TAS2R1: variants seen among roughly 807,000 people sequenced by gnomAD.
TAS2R1 encodes taste 2 receptor member 1.
For synonymous variants in TAS2R1, 141 were observed against 134.2 expected (o/e 1.05, Z -0.35); for missense variants, 370 against 353.4 (o/e 1.05, Z -0.38).
the TAS2R1 span, among the ~76,000 whole-genome samples, chr5:9,806,715 G>A: frequency 1.3e-5 from 2 of 152,090 alleles, no homozygotes; most frequent in South Asian, 2.1e-4. Flanking sequence ...AATGAAACTG[G>A]ATTCTCATTT....
At chr5:9,800,782 A>G in the TAS2R1 span, among the ~76,000 whole-genome samples, 2 of 152,178 alleles carry the variant, frequency 1.3e-5, no homozygotes, top group African/African-American at 2.4e-5. Context: ...CCTAAAATTC[A>G]TATTTTGAAG....
the TAS2R1 span, among the ~76,000 whole-genome samples, chr5:9,800,424 G>T: frequency 6.6e-6 from 1 of 152,166 alleles, no homozygotes. Flanking sequence ...AGCCTTTGTG[G>T]TGGGAGGGAG....
the TAS2R1 span, among the ~76,000 whole-genome samples, chr5:9,785,259 T>C: frequency 6.6e-6 from 1 of 152,172 alleles, no homozygotes; most frequent in Non-Finnish European, 1.5e-5. Context: ...AGATACTCAT[T>C]GTGTAAATAT....
the TAS2R1 span, among the ~76,000 whole-genome samples, chr5:9,873,659 G>A: frequency 1.3e-5 from 2 of 151,950 alleles, no homozygotes; most frequent in Admixed American, 1.3e-4. Context: ...CTGAGCTTAG[G>A]AATTCAAGAC....
intron 1 of TAS2R1, among the ~76,000 whole-genome samples, chr5:9,701,998 T>C (rs1367831128): frequency 6.6e-6 from 1 of 152,178 alleles, no homozygotes; most frequent in Non-Finnish European, 1.5e-5. Flanking sequence ...AAACAGAAGT[T>C]AGATTTCCCA....
the TAS2R1 span, among the ~76,000 whole-genome samples, chr5:9,798,084 G>C: frequency 6.6e-6 from 1 of 152,210 alleles, no homozygotes; most frequent in Non-Finnish European, 1.5e-5. Context: ...GAACATAAAT[G>C]AGCCTCAAAA....
At chr5:9,775,681 C>G in the TAS2R1 span, among the ~76,000 whole-genome samples, 1 of 152,034 alleles carries the variant, frequency 6.6e-6, no homozygotes, top group Non-Finnish European at 1.5e-5. Flanking sequence ...TGGGTTCTTC[C>G]CTTCAAGGCA....
the TAS2R1 span, among the ~76,000 whole-genome samples, chr5:9,855,138 C>A: frequency 6.6e-6 from 1 of 152,142 alleles, no homozygotes; most frequent in Admixed American, 6.5e-5. Flanking sequence ...GGCAGACTTC[C>A]TAATTCTTAC....
At chr5:9,722,546 A>G in the TAS2R1 span, among the ~76,000 whole-genome samples, 4 of 152,204 alleles carry the variant, frequency 2.6e-5, no homozygotes, top group South Asian at 8.3e-4. Context: ...GTGGAGTATT[A>G]TTCTTAGAAA....
At chr5:9,804,221 TG>T in the TAS2R1 span, among the ~76,000 whole-genome samples, 3 of 148,926 alleles carry the variant, frequency 2.0e-5, no homozygotes, top group African/African-American at 7.8e-5. Flanking sequence ...CACCTAACAC[TG>T]GAGCTCCCAA....
chr5:9,875,111 A>G, the TAS2R1 span, among the ~76,000 whole-genome samples: 1 of 152,302 alleles, frequency 6.6e-6, no homozygotes, highest in Admixed American at 6.5e-5. Flanking sequence ...GACTTCATGG[A>G]AGAGAGAGGA....
chr5:9,750,673 A>G, the TAS2R1 span, among the ~76,000 whole-genome samples: 4 of 152,168 alleles, frequency 2.6e-5, no homozygotes, highest in Non-Finnish European at 5.9e-5. Flanking sequence ...ACTCATCACA[A>G]TCCCTTTTCA....
chr5:9,743,385 T>C, the TAS2R1 span, among the ~76,000 whole-genome samples: 9 of 152,110 alleles, frequency 5.9e-5, no homozygotes, highest in Non-Finnish European at 1.0e-4. Context: ...TTGTTACATA[T>C]GTATACATGT....
the TAS2R1 span, among the ~76,000 whole-genome samples, chr5:9,722,360 A>AT: frequency 6.6e-6 from 1 of 152,218 alleles, no homozygotes; most frequent in Non-Finnish European, 1.5e-5. Context: ...AGTTAAGGTA[A>AT]TTTTTTACAT....
chr5:9,647,681 A>G lies in TAS2R1; in HGVS notation c.-81+11740T>C, dbSNP rs184922814. On this transcript the variant is annotated intron_variant, in intron 2 of 2. Transcript: ENST00000506620. ...CTTTTAGTTATAATTTTCTGTAGAC[A>G]TTAATATTTATTCTTGTATACATCA... Among the ~76,000 whole-genome samples the G allele has an allele frequency of 2.2e-4, 33 of 152,362 alleles. No homozygotes were observed. The East Asian group carries it at 4.6e-3, about 21-fold the overall frequency.
chr5:9,830,867 T>A, the TAS2R1 span, among the ~76,000 whole-genome samples: 1 of 152,228 alleles, frequency 6.6e-6, no homozygotes, highest in East Asian at 1.9e-4. Context: ...TGAACATAGA[T>A]ATAGAGAAGA....
chr5:9,802,446 T>C, the TAS2R1 span, among the ~76,000 whole-genome samples: 4 of 152,148 alleles, frequency 2.6e-5, no homozygotes, highest in East Asian at 7.7e-4. Flanking sequence ...GAGTCCCAGA[T>C]CTTCCCTCTG....
chr5:9,864,859 T>C, the TAS2R1 span, among the ~76,000 whole-genome samples: 1 of 151,930 alleles, frequency 6.6e-6, no homozygotes, highest in Non-Finnish European at 1.5e-5. Context: ...AGGAAGACCC[T>C]CTGGAAAGGG....
the TAS2R1 span, among the ~76,000 whole-genome samples, chr5:9,857,094 T>C: frequency 2.0e-5 from 3 of 152,092 alleles, no homozygotes; most frequent in African/African-American, 4.8e-5. Context: ...TAAAGTAAAG[T>C]AGATTCTATG....
Sources: allele counts gnomAD v4.1 joint callset (sites outside exome capture counted in the v4.1 genomes callset), GRCh38; gene constraint gnomAD v4.1.1; transcripts MANE v1.5; gene names NCBI Gene and HGNC (gene_info 2026-07-23, HGNC 2026-07-21).